ZNF431: variants seen among roughly 807,000 people sequenced by gnomAD.
The protein encoded by ZNF431 is zinc finger protein 431.
Under a neutral mutation model 57.0 loss-of-function variants are expected in ZNF431, and 34 were observed. The ratio of observed to expected loss-of-function variants is 0.60; its 90% CI spans 0.45 to 0.79. ZNF431 has a LOEUF of 0.79. Ranked by LOEUF, ZNF431 falls within the 30% of genes least tolerant of loss-of-function variation. The probability of loss-of-function intolerance (pLI) is 0.00; values close to 1 mark genes in which losing one functional copy is unlikely to be tolerated. For missense variants in ZNF431, 607 were observed against 667.1 expected (o/e 0.91, Z 0.99); for synonymous variants, 207 against 220.3 (o/e 0.94, Z 0.54).
chr19:21,143,271 A>G (rs1442130920), intron 1 of ZNF431, among the ~76,000 whole-genome samples: 3 of 152,226 alleles, frequency 2.0e-5, no homozygotes, highest in Non-Finnish European at 4.4e-5. Flanking sequence ...AATATTTCCC[A>G]TGAGAAGAAA....
chr19:21,161,966 T>C (rs1599593313), intron 2 of ZNF431, among the ~76,000 whole-genome samples: 1 of 151,928 alleles, frequency 6.6e-6, no homozygotes, highest in East Asian at 1.9e-4. Flanking sequence ...CACCCCTTGT[T>C]TTTTGTTTTT....
At chr19:21,155,847 G>A (rs1040107877) in intron 2 of ZNF431, among the ~76,000 whole-genome samples, 2 of 152,084 alleles carry the variant, frequency 1.3e-5, no homozygotes, top group African/African-American at 4.8e-5. Context: ...GCCCTGTCCT[G>A]GTATAAAATG....
Position 21,185,009 on chromosome 19 carries a change from T to C in ZNF431, c.*975T>C, listed in dbSNP as rs1263021912. On this transcript the variant is annotated 3_prime_UTR_variant, in exon 5 of 5. Coordinates refer to ENST00000311048, the MANE Select transcript of ZNF431 (RefSeq NM_133473.4). ...TTTATATTGAAAAATTGTGCAAATA[T>C]AATAAATTTGGAAAAACAATTTTTC... The C allele has an allele frequency of 2.0e-5, 3 of 152,152 alleles. No individual in the cohort carries two copies. The highest frequency in any genetic ancestry group is 2.9e-5 in the Non-Finnish European group (2 of 68,008). The allele number at this position is 152,152 out of a possible 1,614,324, so 9.4% of individuals were successfully genotyped here. A position where few individuals can be genotyped will look rare whatever the true frequency, so the allele number is the denominator to read the frequency against.
At chr19:21,181,780 A>G (rs974178631) in intron 4 of ZNF431, among the ~76,000 whole-genome samples, 2 of 152,000 alleles carry the variant, frequency 1.3e-5, no homozygotes, top group African/African-American at 2.4e-5. Flanking sequence ...AAATTAATGT[A>G]TACATCTTTT....
Position 21,195,465 on chromosome 19 carries a change from T to TA in ZNF431, c.*11432dup, listed in dbSNP as rs753974893. ...CACAATTTTCTAAAAAATTTTTCTT[T>TA]ATGGGCGATTGAATAGTTGGGCTTT... On this transcript the variant is annotated 3_prime_UTR_variant, in exon 5 of 5. Coordinates refer to ENST00000311048, the MANE Select transcript of ZNF431 (RefSeq NM_133473.4). 4 of 152,218 alleles carry TA rather than the reference T, an allele frequency of 2.6e-5. No individual in the cohort carries two copies. Among genetic ancestry groups the TA allele is most frequent in the Non-Finnish European group, 4.4e-5 (3 of 68,038 alleles). 9.4% of individuals were successfully genotyped at this position (152,218 alleles called of 1,614,324 possible).
chr19:21,153,175 T>C (rs920648110), intron 2 of ZNF431, among the ~76,000 whole-genome samples: 1 of 152,186 alleles, frequency 6.6e-6, no homozygotes, highest in Non-Finnish European at 1.5e-5. Context: ...CAACCACATG[T>C]CACTCTCATC....
At chr19:21,162,467 C>G (rs537644466) in intron 2 of ZNF431, among the ~76,000 whole-genome samples, 3 of 151,922 alleles carry the variant, frequency 2.0e-5, no homozygotes, top group Non-Finnish European at 4.4e-5. Context: ...CCACTGTACC[C>G]GGCAATTTTT....
intron 4 of ZNF431, among the ~76,000 whole-genome samples, chr19:21,178,266 CAG>C (rs1971114447): frequency 6.6e-6 from 1 of 152,086 alleles, no homozygotes; most frequent in South Asian, 2.1e-4. Context: ...CATCTACAAA[CAG>C]AGACAGTTTG....
intron 3 of ZNF431, 41 bp downstream of exon 3, chr19:21,166,502 A>G (rs967057392): frequency 6.4e-7 from 1 of 1,551,176 alleles, no homozygotes; most frequent in Admixed American, 2.2e-5. Flanking sequence ...TATGCCCTAA[A>G]TGTTTCATGT....
At position 21,188,826 on chromosome 19, in the gene ZNF431, C is replaced by G. The variant is rs1971441892; in HGVS notation, c.*4792C>G. ...CATGGGACCATAAGCAACACCTGCTCTTTGAGTGTCTTTCATACCGTTACC... is the reference window on the plus strand; with the variant it reads ...CATGGGACCATAAGCAACACCTGCTGTTTGAGTGTCTTTCATACCGTTACC... On this transcript the variant is annotated 3_prime_UTR_variant, in exon 5 of 5. Coordinates refer to ENST00000311048, the MANE Select transcript of ZNF431 (RefSeq NM_133473.4). 3.9e-5 allele frequency: 6 copies of G among 152,146 alleles called. 1 individual carries two copies. In the South Asian group the frequency reaches 1.2e-3, roughly 31 times the overall value. The allele number at this position is 152,146 out of a possible 1,614,324, so 9.4% of individuals were successfully genotyped here.
At chr19:21,158,420 G>A (rs967935038) in intron 2 of ZNF431, among the ~76,000 whole-genome samples, 6 of 151,716 alleles carry the variant, frequency 4.0e-5, no homozygotes, top group African/African-American at 9.7e-5. Context: ...GGCTGGTCTC[G>A]AACTCCTGAC....
chr19:21,184,515 T>TA lies in ZNF431; in HGVS notation c.*485dup, dbSNP rs569461276. 4.9e-4 allele frequency: 76 copies of TA among 154,560 alleles called. No homozygotes were observed. In the Middle Eastern group the frequency reaches 0.014, roughly 28 times the overall value. The allele number at this position is 154,560 out of a possible 1,614,324, so 9.6% of individuals were successfully genotyped here. ...ACAACGCCTCAAACTTTTCTAACCA[T>TA]AAAAGTAATTATACTGGTGAGAAAT... On this transcript the variant is annotated 3_prime_UTR_variant, in exon 5 of 5. Coordinates refer to ENST00000311048, the MANE Select transcript of ZNF431 (RefSeq NM_133473.4).
At chr19:21,142,463 C>T (rs1000390643) in intron 1 of ZNF431, among the ~76,000 whole-genome samples, 4 of 152,198 alleles carry the variant, frequency 2.6e-5, no homozygotes, top group Admixed American at 1.3e-4. Flanking sequence ...CGCGTCTTTC[C>T]CAGATTGTGC....
At chr19:21,143,445 G>T in intron 1 of ZNF431, 106 bp from the exon 2 acceptor site, 2 of 874,716 alleles carry the variant, frequency 2.3e-6, no homozygotes, top group South Asian at 1.4e-5. Flanking sequence ...GTTTTTTTCT[G>T]GTCGTGGGTT....
At chr19:21,149,367 A>G (rs765613132) in intron 2 of ZNF431, among the ~76,000 whole-genome samples, 11 of 152,150 alleles carry the variant, frequency 7.2e-5, no homozygotes, top group East Asian at 1.9e-4. Flanking sequence ...TATTTTCCCA[A>G]TGATCTTTAA....
chr19:21,180,862 A>G lies in ZNF431; in HGVS notation c.320-1761A>G, dbSNP rs541305116. ...CTCGGGAGGCTGAGGCAAGAGAATC[A>G]CTTGAACCCAGGAGGCGGATGTTGC... On this transcript the variant is annotated intron_variant, in intron 4 of 4. Coordinates refer to ENST00000311048, the MANE Select transcript of ZNF431 (RefSeq NM_133473.4). Among the ~76,000 whole-genome samples, 7 of 151,708 alleles carry G rather than the reference A, an allele frequency of 4.6e-5. No homozygotes were observed. In the South Asian group the frequency reaches 1.5e-3, roughly 32 times the overall value.
Position 21,183,667 on chromosome 19 carries a change from C to G in ZNF431, c.1364C>G (p.Pro455Arg), listed in dbSNP as rs1971280684. The change falls in exon 5 of 5, where the codon CCT (proline) becomes CGT (arginine). Residue 455 changes from proline (P) to arginine (R), a missense_variant. Pro to Arg is a moderately radical substitution (Grantham distance 103). Transcript: ENST00000311048. ...AAGATAATTCATACTGGAGAGAAAC[C>G]TTACAAATGTGAAGAATGTGGCAAA... ...AHKIIHTGEK[P>R]YKCEECGKAF... 2 of 1,613,438 alleles carry G rather than the reference C, an allele frequency of 1.2e-6. No homozygotes were observed. The highest frequency in any genetic ancestry group is 1.7e-6 in the Non-Finnish European group (2 of 1,179,918).
chr19:21,151,574 A>C lies in ZNF431; in HGVS notation c.96+7931A>C, dbSNP rs73539749. ...TACTCATTCCCTAAGCCGGGAATTG[A>C]ATCCTGAACCTGGGCCACCATTATG... On this transcript the variant is annotated intron_variant, in intron 2 of 4. Transcript: ENST00000311048. Among the ~76,000 whole-genome samples, 1,112 of 152,280 alleles carry C rather than the reference A, an allele frequency of 7.3e-3. 19 individuals are homozygous for C. The highest frequency in any genetic ancestry group is 0.025 in the African/African-American group (1,047 of 41,570).
At chr19:21,167,707 G>T in intron 4 of ZNF431, 41 bp downstream of exon 4, 2 of 1,418,788 alleles carry the variant, frequency 1.4e-6, no homozygotes, top group South Asian at 1.4e-5. Flanking sequence ...CAGATGAGAG[G>T]TCCAAAGCTT....
Sources: allele counts gnomAD v4.1 joint callset (sites outside exome capture counted in the v4.1 genomes callset), GRCh38; gene constraint gnomAD v4.1.1; transcripts MANE v1.5; gene names NCBI Gene and HGNC (gene_info 2026-07-23, HGNC 2026-07-21).